Variants in TERB1 observed in about 807,000 individuals in gnomAD.
TERB1 encodes telomere repeats-binding bouquet formation protein 1.
Under a neutral mutation model 92.3 loss-of-function variants are expected in TERB1, and 63 were observed. The ratio of observed to expected loss-of-function variants is 0.68; its 90% confidence interval spans 0.56 to 0.84. The LOEUF is 0.84. Among genes scored for constraint, TERB1 ranks in the 40% least tolerant of loss-of-function variants. The pLI is 0.00. For missense variants in TERB1, 709 were observed against 843.7 expected (o/e 0.84, Z 1.98); for synonymous variants, 252 against 283.9 (o/e 0.89, Z 1.13).
Position 66,759,125 on chromosome 16 carries a change from C to T in TERB1, c.1930+16G>A. On this transcript the variant is annotated intron_variant, in intron 17 of 18. Coordinates refer to ENST00000433154, the MANE Select transcript of TERB1 (RefSeq NM_001136505.2). ...TATAGCCATAATTACAATTTTAAAGCTGCTGAATTAATTACTTTTGTTACA... is the reference window on the plus strand; with the variant it reads ...TATAGCCATAATTACAATTTTAAAGTTGCTGAATTAATTACTTTTGTTACA... 1 of 1,523,448 alleles carries T rather than the reference C, an allele frequency of 6.6e-7. No homozygotes were observed. The highest frequency in any genetic ancestry group is 8.8e-7 in the Non-Finnish European group (1 of 1,132,790). The allele number at this position is 1,523,448 out of a possible 1,614,324, so 94.4% of individuals were successfully genotyped here.
At chr16:66,769,158 T>C (rs2018401088) in intron 14 of TERB1, among the ~76,000 whole-genome samples, 2 of 151,226 alleles carry the variant, frequency 1.3e-5, no homozygotes, top group Middle Eastern at 3.4e-3. Flanking sequence ...GCTAACTCTA[T>C]AGGAGAAAGA....
intron 13 of TERB1, 135 bp downstream of exon 13, chr16:66,772,454 C>A: frequency 2.6e-6 from 2 of 771,726 alleles, no homozygotes; most frequent in Middle Eastern, 3.9e-4. Context: ...TGCACTCCAA[C>A]CTGGGCAACA....
chr16:66,781,391 T>C (rs1469368829), intron 9 of TERB1, among the ~76,000 whole-genome samples: 1 of 152,202 alleles, frequency 6.6e-6, no homozygotes, highest in African/African-American at 2.4e-5. Flanking sequence ...TTATTTAATA[T>C]TCATATCTTC....
At chr16:66,772,816 C>G in intron 12 of TERB1, 67 bp from the exon 13 acceptor site, 1 of 1,190,626 alleles carries the variant, frequency 8.4e-7, no homozygotes, top group Non-Finnish European at 1.2e-6. Flanking sequence ...AGGACAACTT[C>G]ACAGCCCACC....
chr16:66,783,236 G>A (rs1178366880), intron 9 of TERB1, among the ~76,000 whole-genome samples: 6 of 152,164 alleles, frequency 3.9e-5, no homozygotes, highest in Non-Finnish European at 8.8e-5. Context: ...TGTAGAGGTC[G>A]TTTATCACAT....
At chr16:66,786,662 C>T (rs1341358622) in intron 6 of TERB1, among the ~76,000 whole-genome samples, 1 of 152,180 alleles carries the variant, frequency 6.6e-6, no homozygotes, top group African/African-American at 2.4e-5. Flanking sequence ...CAAGAAGGCG[C>T]CTCCTCAGGC....
chr16:66,786,008 AATT>A lies in TERB1; in HGVS notation c.577+3_577+5del. The A allele has an allele frequency of 6.5e-7, 1 of 1,541,390 alleles. No individual in the cohort carries two copies. Among genetic ancestry groups the A allele is most frequent in the Non-Finnish European group, 8.8e-7 (1 of 1,140,826 alleles). On this transcript the variant is annotated splice_donor_5th_base_variant and intron_variant, in intron 8 of 18. Transcript: ENST00000433154. ...ATTTTTATATTTAAACATGACAGAT[AATT>A]ACCATTTTGAGGATTGTTGACACAG...
At chr16:66,792,599 A>G (rs2018854524) in intron 3 of TERB1, among the ~76,000 whole-genome samples, 1 of 152,230 alleles carries the variant, frequency 6.6e-6, no homozygotes, top group Non-Finnish European at 1.5e-5. Flanking sequence ...TAGATTGTAC[A>G]GCCAAGTGTT....
upstream of TERB1, chr16:66,801,716 G>A (rs1460936198): frequency 6.6e-6 from 1 of 152,228 alleles, no homozygotes; most frequent in East Asian, 1.9e-4. Context: ...TGGGGTGGTC[G>A]GTGTCCCGGC....
chr16:66,778,008 A>G (rs531277310), intron 10 of TERB1, among the ~76,000 whole-genome samples: 1 of 152,320 alleles, frequency 6.6e-6, no homozygotes, highest in South Asian at 2.1e-4. Context: ...CAGGTCCTCA[A>G]TAACCACTTT....
chr16:66,761,027 G>A (rs1306717786), intron 16 of TERB1, among the ~76,000 whole-genome samples: 21 of 140,698 alleles, frequency 1.5e-4, no homozygotes, highest in African/African-American at 2.1e-4. Flanking sequence ...CAGGAGAATC[G>A]CTTGAACCCG....
chr16:66,797,133 G>A (rs907643611), intron 2 of TERB1, among the ~76,000 whole-genome samples: 1 of 151,920 alleles, frequency 6.6e-6, no homozygotes, highest in Non-Finnish European at 1.5e-5. Context: ...AAACATATCT[G>A]GCATTTCTAA....
At chr16:66,783,862 C>A (rs2018677927) in intron 9 of TERB1, among the ~76,000 whole-genome samples, 1 of 152,220 alleles carries the variant, frequency 6.6e-6, no homozygotes, top group African/African-American at 2.4e-5. Context: ...CTCCCAATAG[C>A]TGGGACTACA....
chr16:66,774,683 C>CCTTTTT (rs386384962), intron 12 of TERB1, among the ~76,000 whole-genome samples: 5 of 40,218 alleles, frequency 1.2e-4, no homozygotes, highest in African/African-American at 1.4e-4. Context: ...CTCTGATTTT[C>CCTTTTT]TTTTTTTTTT....
At chr16:66,757,510 A>C (rs929505318) in intron 18 of TERB1, among the ~76,000 whole-genome samples, 2 of 152,202 alleles carry the variant, frequency 1.3e-5, no homozygotes, top group African/African-American at 4.8e-5. Flanking sequence ...ATTTTCTAAC[A>C]ATTACTATAG....
intron 9 of TERB1, among the ~76,000 whole-genome samples, chr16:66,784,042 C>T (rs1416528742): frequency 1.3e-5 from 2 of 152,192 alleles, no homozygotes; most frequent in African/African-American, 4.8e-5. Context: ...AATGTCATGA[C>T]ATAAAGCTGT....
At chr16:66,758,338 C>A in intron 18 of TERB1, 1 of 165,996 alleles carries the variant, frequency 6.0e-6, no homozygotes, top group South Asian at 1.6e-4. Context: ...AAGGTCTGAC[C>A]CTCATCAGAG....
Position 66,785,900 on chromosome 16 carries a change from G to A in TERB1, c.586C>T (p.Gln196Ter). ...GGAAAAAGGGAACAGCAAAACATTT[G>A]ATTCTCATCTGAAAGAAGACAAAGT... The part of the protein sequence containing the change: ...CVNNPQNDEN[Q>*]MFCCSLFPHA... The change falls in exon 9 of 19, where the codon CAA becomes TAA. Residue 196 changes from glutamine (Q) to a stop codon, truncating the protein, a stop_gained. Coordinates refer to ENST00000433154, the MANE Select transcript of TERB1 (RefSeq NM_001136505.2). LOFTEE classifies it high-confidence loss of function. 6.5e-7 allele frequency: 1 copy of A among 1,542,496 alleles called. No individual in the cohort carries two copies. Among genetic ancestry groups the A allele is most frequent in the South Asian group, 1.2e-5 (1 of 81,448 alleles).
intron 18 of TERB1, among the ~76,000 whole-genome samples, chr16:66,756,851 G>T (rs1448836440): frequency 6.6e-6 from 1 of 152,172 alleles, no homozygotes; most frequent in African/African-American, 2.4e-5. Flanking sequence ...CTTCTTTAGT[G>T]CTCCTTGTAA....
Sources: gnomAD v4.1 joint callset for allele counts (sites outside exome capture counted in the v4.1 genomes callset) on GRCh38, gnomAD v4.1.1 for gene constraint, MANE v1.5 for transcripts, NCBI Gene and HGNC (gene_info 2026-07-23, HGNC 2026-07-21) for gene names.